The following BTBD2 variants were observed in gnomAD, a reference collection of about 807,000 sequenced individuals.
BTBD2 encodes the protein BTB domain containing 2.
In BTBD2, 15 loss-of-function variants were observed where a neutral mutation model predicts 44.0. That is an observed-to-expected ratio of 0.34 (90% CI 0.23 to 0.53). The LOEUF is 0.53. BTBD2 is among the 20% of genes least tolerant of loss of function. The pLI, the probability that BTBD2 is intolerant of heterozygous loss-of-function variation, is 0.95. For synonymous variants in BTBD2, 443 were observed against 335.9 expected (o/e 1.32, Z -3.49); for missense variants, 657 against 746.4 (o/e 0.88, Z 1.39).
At chr19:1,987,110 G>A (rs1458363533) in intron 7 of BTBD2, 56 bp downstream of exon 7, 1 of 1,597,424 alleles carries the variant, frequency 6.3e-7, no homozygotes, top group East Asian at 2.2e-5. Context: ...TTCCATGGAG[G>A]TGGAGAGAGG....
At position 2,001,257 on chromosome 19, in the gene BTBD2, G is replaced by C. The variant is rs1416006226; in HGVS notation, c.408-3794C>G. ...TCACACCTGTAATCCCAGCACTTTG[G>C]GGGGCCGAGGCAGTGGATCACGAGG... On this transcript the variant is annotated intron_variant, in intron 1 of 8. Coordinates refer to ENST00000255608, the MANE Select transcript of BTBD2 (RefSeq NM_017797.4). 3.3e-5 allele frequency among the ~76,000 whole-genome samples: 5 copies of C among 152,044 alleles called. No individual in the cohort carries two copies. In the East Asian group the frequency reaches 9.6e-4, roughly 29 times the overall value.
chr19:1,987,451 G>A (rs779324442), intron 6 of BTBD2, 49 bp downstream of exon 6: 3 of 1,402,754 alleles, frequency 2.1e-6, no homozygotes, highest in Non-Finnish European at 2.9e-6. Flanking sequence ...TCATCCCCGA[G>A]TCCTCCACCC....
intron 1 of BTBD2, among the ~76,000 whole-genome samples, chr19:1,999,822 C>T (rs372228425): frequency 1.0e-3 from 154 of 151,794 alleles, no homozygotes; most frequent in Non-Finnish European, 1.4e-3. Context: ...ATTAGCTGGG[C>T]GTGGTGGTGG....
chr19:1,990,385 AT>A (rs1315658283), intron 4 of BTBD2, 184 bp from the exon 5 acceptor site: 8 of 673,194 alleles, frequency 1.2e-5, no homozygotes, highest in Non-Finnish European at 2.0e-5. Context: ...ACGCCCCTTC[AT>A]TTTCCTCGGC....
intron 1 of BTBD2, among the ~76,000 whole-genome samples, chr19:1,998,649 AT>A (rs1385102169): frequency 1.3e-5 from 2 of 151,958 alleles, no homozygotes; most frequent in African/African-American, 4.8e-5. Flanking sequence ...CCAGGTCTGT[AT>A]GGGGTGGGGA....
In BTBD2 at chr19:2,015,469, C is replaced by T. The variant is rs2145661070; in HGVS notation, c.235G>A (p.Glu79Lys). ...GCCGCCGCCCCCGGGCCCGCCGCCT[C>T]CTCCGCCCGCTCCGCGCCCGCGGCC... ...AQAAGAERAE[E>K]AAGPGAAALQ... The change falls in exon 1 of 9, where the codon GAG (glutamate) becomes AAG (lysine). Residue 79 changes from glutamate (E) to lysine (K), a missense_variant. Glu to Lys is a moderately conservative substitution (Grantham distance 56). This residue lies in a region of BTBD2 where 191 missense variants were observed against 188.5 expected (regional missense o/e 1.01). Transcript: ENST00000255608. The T allele has an allele frequency of 8.6e-6, 11 of 1,285,802 alleles. No individual in the cohort carries two copies. Among genetic ancestry groups the T allele is most frequent in the Non-Finnish European group, 1.1e-5 (11 of 1,021,914 alleles). 79.6% of individuals were successfully genotyped at this position (1,285,802 alleles called of 1,614,324 possible). A position where few individuals can be genotyped will look rare whatever the true frequency, so the allele number is the denominator to read the frequency against.
intron 3 of BTBD2, among the ~76,000 whole-genome samples, chr19:1,992,432 G>T (rs975508412): frequency 1.3e-4 from 20 of 151,990 alleles, no homozygotes; most frequent in African/African-American, 4.3e-4. Context: ...TAGAAACGGG[G>T]TCTCTCTATG....
intron 2 of BTBD2, 37 bp downstream of exon 2, chr19:1,997,307 G>A: frequency 6.2e-7 from 1 of 1,613,144 alleles, no homozygotes; most frequent in Non-Finnish European, 8.5e-7. Flanking sequence ...CCCTCCCCAG[G>A]CCCAGCTCCC....
chr19:2,006,956 C>T (rs975795467), intron 1 of BTBD2, among the ~76,000 whole-genome samples: 9 of 152,174 alleles, frequency 5.9e-5, no homozygotes, highest in African/African-American at 2.2e-4. Context: ...TGCCCAGGTT[C>T]AAGCAATTCT....
At chr19:1,987,369 A>G in intron 6 of BTBD2, 116 bp from the exon 7 acceptor site, 2 of 880,778 alleles carry the variant, frequency 2.3e-6, no homozygotes, top group Non-Finnish European at 3.0e-6. Flanking sequence ...CTCCACCCCC[A>G]TGCCCGGCGG....
At chr19:2,014,208 G>A (rs1318522866) in intron 1 of BTBD2, 2 of 152,340 alleles carry the variant, frequency 1.3e-5, no homozygotes, top group Non-Finnish European at 2.9e-5. Flanking sequence ...GTCACCAGTA[G>A]GGGTCCCAGG....
At chr19:2,009,494 A>T (rs1343647878) in intron 1 of BTBD2, among the ~76,000 whole-genome samples, 3 of 146,236 alleles carry the variant, frequency 2.1e-5, no homozygotes, top group Non-Finnish European at 4.5e-5. Flanking sequence ...CACCACACCC[A>T]CCCAGATTGT....
chr19:2,013,947 C>T (rs2016499624), intron 1 of BTBD2: 1 of 147,930 alleles, frequency 6.8e-6, no homozygotes, highest in African/African-American at 2.5e-5. Context: ...TAGCACGACC[C>T]CTGAAGGGAG....
intron 1 of BTBD2, among the ~76,000 whole-genome samples, chr19:2,006,807 G>A (rs1365597805): frequency 2.0e-5 from 3 of 152,008 alleles, no homozygotes; most frequent in Admixed American, 6.6e-5. Context: ...TCCTGCCTCA[G>A]CCTCCTACGT....
intron 1 of BTBD2, among the ~76,000 whole-genome samples, chr19:2,000,853 G>C (rs970841692): frequency 6.6e-6 from 1 of 152,178 alleles, no homozygotes; most frequent in African/African-American, 2.4e-5. Flanking sequence ...GCCACAAACA[G>C]GAACGAGGCT....
At chr19:1,987,910 C>G (rs1052344963) in intron 5 of BTBD2, 3 of 567,148 alleles carry the variant, frequency 5.3e-6, no homozygotes, top group Admixed American at 3.3e-5. Flanking sequence ...CCGACAGATA[C>G]GCTCACTCAG....
chr19:1,990,543 G>A (rs1054587630), intron 4 of BTBD2, among the ~76,000 whole-genome samples, 174 bp downstream of exon 4: 1 of 152,200 alleles, frequency 6.6e-6, no homozygotes, highest in African/African-American at 2.4e-5. Context: ...TCCTGGCCAA[G>A]GCCCCGGACT....
In BTBD2 at chr19:1,990,736, G is replaced by A. The variant is rs751323075; in HGVS notation, c.771C>T (p.Gly257=). The A allele has an allele frequency of 6.2e-7, 1 of 1,602,690 alleles. No individual in the cohort carries two copies. The highest frequency in any genetic ancestry group is 8.5e-7 in the Non-Finnish European group (1 of 1,174,932). The stretch of plus-strand genomic sequence containing the variant: ...CCTTACCCAGGTCAATGTCGGTGAA[G>A]CCCTCCGCGGTGATGGCGTCTGCAG... ...KNTADAITAE[G]FTDIDLDTLV... is the part of the protein sequence containing the mutation. Residue 257 remains glycine (G), a synonymous_variant, in exon 4 of 9, where the codon GGC becomes GGT. Transcript: ENST00000255608.
At chr19:1,994,414 G>A (rs1238437678) in intron 2 of BTBD2, among the ~76,000 whole-genome samples, 2 of 152,146 alleles carry the variant, frequency 1.3e-5, no homozygotes, top group African/African-American at 4.8e-5. Context: ...AGGATTGCCT[G>A]AGACCAGGAG....
Sources: gnomAD v4.1 joint callset for allele counts (sites outside exome capture counted in the v4.1 genomes callset) on GRCh38, gnomAD v4.1.1 for gene constraint, gnomAD v4.1.1 regional missense constraint, MANE v1.5 for transcripts, NCBI Gene and HGNC (gene_info 2026-07-23, HGNC 2026-07-21) for gene names.